The following STK3 variants were observed in gnomAD, a reference collection of about 807,000 sequenced individuals.
STK3 encodes the protein serine/threonine kinase 3.
A neutral mutation model predicts 58.0 loss-of-function variants in STK3; 41 were observed. The observed-to-expected ratio is 0.71, with a 90% CI of 0.55 to 0.92. The LOEUF is 0.92. Among genes scored for constraint, STK3 ranks in the 40% least tolerant of loss-of-function variants. The pLI is 0.00. For missense variants in STK3, 479 were observed against 602.7 expected, an observed-to-expected ratio of 0.79 and a Z score of 2.15; for synonymous variants, 170 against 191.0, an observed-to-expected ratio of 0.89 and a Z score of 0.91.
At chr8:98,463,775 T>G (rs1404187056) in intron 10 of STK3, among the ~76,000 whole-genome samples, 1 of 152,128 alleles carries the variant, frequency 6.6e-6, no homozygotes, top group African/African-American at 2.4e-5. Context: ...TAGTCGTAAT[T>G]ACATGAGCGA....
chr8:98,697,880 T>A (rs182538785), intron 6 of STK3, among the ~76,000 whole-genome samples: 1 of 152,154 alleles, frequency 6.6e-6, no homozygotes, highest in Admixed American at 6.6e-5. Flanking sequence ...CTATTAGGTC[T>A]GCTTGGTGCA....
intron 4 of STK3, among the ~76,000 whole-genome samples, chr8:98,715,566 T>C (rs1826933527): frequency 1.3e-5 from 2 of 151,834 alleles, no homozygotes; most frequent in Non-Finnish European, 2.9e-5. Context: ...GAAATGCAAA[T>C]CAAAACCACA....
At chr8:98,394,523 A>G (rs1303153009) in intron 3 of STK3, among the ~76,000 whole-genome samples, 1 of 152,206 alleles carries the variant, frequency 6.6e-6, no homozygotes, top group African/African-American at 2.4e-5. Context: ...TCTAGAAAAA[A>G]ACAAAATAAA....
At chr8:98,807,898 A>T (rs1333027797) in intron 1 of STK3, among the ~76,000 whole-genome samples, 3 of 152,226 alleles carry the variant, frequency 2.0e-5, no homozygotes, top group African/African-American at 7.2e-5. Flanking sequence ...TTGCCAAAAC[A>T]ATAACTAATT....
In STK3 at chr8:98,797,901, G is replaced by C. The variant is rs73699926; in HGVS notation, c.27-23082C>G. On this transcript the variant is annotated intron_variant, in intron 1 of 10. Coordinates refer to ENST00000419617, the MANE Select transcript of STK3 (RefSeq NM_006281.4). ...AAAAGAATGGTTGATGAAATAGACC[G>C]AGCAGAGAAAGAAATTTTAAAAGAG... 1.6e-3 allele frequency among the ~76,000 whole-genome samples: 241 copies of C among 152,260 alleles called. 1 individual carries two copies. Among genetic ancestry groups the C allele is most frequent in the African/African-American group, 5.5e-3 (227 of 41,548 alleles).
chr8:98,741,583 C>T (rs529944821), intron 4 of STK3, among the ~76,000 whole-genome samples: 3 of 152,240 alleles, frequency 2.0e-5, no homozygotes, highest in South Asian at 2.1e-4. Flanking sequence ...ATCGCTGGGA[C>T]ACATTCAAAG....
chr8:98,672,367 G>C (rs887037104), intron 6 of STK3, among the ~76,000 whole-genome samples: 1 of 152,170 alleles, frequency 6.6e-6, no homozygotes, highest in Non-Finnish European at 1.5e-5. Flanking sequence ...GGGCAACAGA[G>C]AGAAACCTTG....
chr8:98,702,691 A>C (rs1825708682), intron 6 of STK3, among the ~76,000 whole-genome samples: 1 of 152,160 alleles, frequency 6.6e-6, no homozygotes. Flanking sequence ...TCCTAATTAT[A>C]TACAGCTAGT....
At chr8:98,630,085 T>A (rs546485803) in intron 6 of STK3, among the ~76,000 whole-genome samples, 1 of 152,272 alleles carries the variant, frequency 6.6e-6, no homozygotes, top group African/African-American at 2.4e-5. Context: ...CTCTCCCCCA[T>A]GATTTCCCTA....
At chr8:98,614,256 CAA>C (rs1817459329) in intron 6 of STK3, among the ~76,000 whole-genome samples, 1 of 151,926 alleles carries the variant, frequency 6.6e-6, no homozygotes, top group Admixed American at 6.6e-5. Context: ...GACCATATAC[CAA>C]GAGAGAACAT....
chr8:98,873,020 G>T (rs1837437054), intron 3 of STK3, among the ~76,000 whole-genome samples: 1 of 152,160 alleles, frequency 6.6e-6, no homozygotes, highest in African/African-American at 2.4e-5. Flanking sequence ...ATGTGTCCCA[G>T]AGATTCTGGT....
intron 4 of STK3, among the ~76,000 whole-genome samples, chr8:98,712,810 C>T (rs564597407): frequency 7.4e-4 from 113 of 152,022 alleles, no homozygotes; most frequent in African/African-American, 1.8e-3. Context: ...GAACTCTCCA[C>T]CCCAAATCAA....
In STK3 at chr8:98,455,778, A is replaced by G; in HGVS notation, c.*64T>C. 12 of 1,573,656 alleles carry G rather than the reference A, an allele frequency of 7.6e-6. No individual in the cohort carries two copies. Among genetic ancestry groups the G allele is most frequent in the Non-Finnish European group, 1.0e-5 (12 of 1,156,192 alleles). ...ATCTTAGGATTAAAAATATCCAAAT[A>G]TTCCTTCAATTCCTAGTGGTTTCTT... is the stretch of plus-strand genomic sequence containing the variant. On this transcript the variant is annotated 3_prime_UTR_variant, in exon 11 of 11. Coordinates refer to ENST00000419617, the MANE Select transcript of STK3 (RefSeq NM_006281.4).
At chr8:98,805,010 A>G (rs1184130248) in intron 1 of STK3, among the ~76,000 whole-genome samples, 1 of 152,232 alleles carries the variant, frequency 6.6e-6, no homozygotes, top group African/African-American at 2.4e-5. Flanking sequence ...ATTTTATAAG[A>G]GAACTGGAAA....
intron 10 of STK3, among the ~76,000 whole-genome samples, chr8:98,478,856 C>A (rs1726575834): frequency 6.6e-6 from 1 of 152,186 alleles, no homozygotes; most frequent in South Asian, 2.1e-4. Context: ...ACATCTGTGC[C>A]ACCAGAGCTT....
intron 6 of STK3, among the ~76,000 whole-genome samples, chr8:98,705,346 G>C (rs1003425893): frequency 6.6e-6 from 1 of 151,770 alleles, no homozygotes; most frequent in Non-Finnish European, 1.5e-5. Context: ...CCAGGAGGTC[G>C]AGGCTCGAGT....
At chr8:98,692,283 T>C (rs1824468614) in intron 6 of STK3, among the ~76,000 whole-genome samples, 1 of 152,146 alleles carries the variant, frequency 6.6e-6, no homozygotes, top group South Asian at 2.1e-4. Context: ...GGTAGCATTA[T>C]TCACAAAAGC....
chr8:98,379,619 T>C (rs1222285748), intron 1 of STK3, among the ~76,000 whole-genome samples: 2 of 152,126 alleles, frequency 1.3e-5, no homozygotes, highest in African/African-American at 2.4e-5. Context: ...GATCCAGAAG[T>C]CACAGGTGCA....
intron 1 of STK3, among the ~76,000 whole-genome samples, chr8:98,932,707 T>C (rs1840043497): frequency 6.6e-6 from 1 of 152,164 alleles, no homozygotes. Context: ...GCTGCATTAC[T>C]AAACAGCCCC....
Sources: allele counts gnomAD v4.1 joint callset (sites outside exome capture counted in the v4.1 genomes callset), GRCh38; gene constraint gnomAD v4.1.1; transcripts MANE v1.5; gene names NCBI Gene and HGNC (gene_info 2026-07-23, HGNC 2026-07-21).